C7orf57: variants seen among roughly 807,000 people sequenced by gnomAD.
C7orf57 encodes the protein chromosome 7 open reading frame 57, also known as uncharacterized protein C7orf57.
Under a neutral mutation model 39.0 loss-of-function variants are expected in C7orf57, and 33 were observed. That is an observed-to-expected ratio of 0.85 (90% CI 0.64 to 1.13). The LOEUF (loss-of-function observed/expected upper bound fraction) is 1.13, where lower values mean the gene tolerates loss of function less well. Among genes scored for constraint, C7orf57 ranks in the 50% most tolerant of loss-of-function variants. The pLI, the probability that C7orf57 is intolerant of heterozygous loss-of-function variation, is 0.00. For synonymous variants in C7orf57, 124 were observed against 137.1 expected (o/e 0.90, Z 0.67); for missense variants, 346 against 362.3 (o/e 0.95, Z 0.37).
intron 6 of C7orf57, among the ~76,000 whole-genome samples, chr7:48,052,218 G>A (rs1395367494): frequency 6.6e-6 from 1 of 152,042 alleles, no homozygotes; most frequent in Non-Finnish European, 1.5e-5. Context: ...ATGGCTGCCT[G>A]CCTTGGCCTC....
At chr7:48,059,073 G>A (rs559958015) in intron 8 of C7orf57, among the ~76,000 whole-genome samples, 1 of 152,140 alleles carries the variant, frequency 6.6e-6, no homozygotes, top group Non-Finnish European at 1.5e-5. Context: ...TGAGGCGGGG[G>A]TCACTATGAA....
chr7:48,048,988 G>T (rs1310984885), intron 5 of C7orf57, among the ~76,000 whole-genome samples: 1 of 151,994 alleles, frequency 6.6e-6, no homozygotes, highest in Non-Finnish European at 1.5e-5. Context: ...CCCTAAATAA[G>T]CTCTCTCCAG....
rs150480769 is a variant in C7orf57 at position 48,051,919 on chromosome 7, CTCTT to C, written c.606-769_606-766del. ...TCCTTCCTTCCTTTTCTTTTCTCTT[CTCTT>C]TCTTTCTTTCTCTCCTCTTTTTTTC... On this transcript the variant is annotated intron_variant, in intron 6 of 8. Coordinates refer to ENST00000348904, the MANE Select transcript of C7orf57 (RefSeq NM_001100159.3). Among the ~76,000 whole-genome samples the C allele has an allele frequency of 2.5e-3, 302 of 118,836 alleles. 1 individual carries two copies. The highest frequency in any genetic ancestry group is 7.9e-3 in the African/African-American group (255 of 32,284). 78.0% of individuals were successfully genotyped at this position (118,836 alleles called of 152,430 possible).
intron 2 of C7orf57, among the ~76,000 whole-genome samples, chr7:48,040,630 T>C (rs564737162): frequency 4.0e-5 from 6 of 150,614 alleles, no homozygotes; most frequent in Non-Finnish European, 7.4e-5. Context: ...AGAGGGAGAG[T>C]GATAAGGTGA....
chr7:48,048,786 A>G (rs1562627711), intron 5 of C7orf57, among the ~76,000 whole-genome samples: 1 of 37,528 alleles, frequency 2.7e-5, no homozygotes, highest in African/African-American at 5.7e-5. Flanking sequence ...TTCAGTCTTT[A>G]TAGTTCTTCT....
At position 48,052,780 on chromosome 7, in the gene C7orf57, A is replaced by G. The variant is rs1790995258; in HGVS notation, c.686A>G (p.Gln229Arg). Residue 229 changes from glutamine (Q) to arginine (R), a missense_variant, in exon 7 of 9, where the codon CAG becomes CGG. Coordinates refer to ENST00000348904, the MANE Select transcript of C7orf57 (RefSeq NM_001100159.3). The stretch of plus-strand genomic sequence containing the variant: ...TATAAGGATGAGTGGTTGCAGCAGC[A>G]GCAGCGAGCTGACTCAGACAAGAGG... ...NGYKDEWLQQ[Q>R]QRADSDKRTP... is the part of the protein sequence containing the mutation. 2 of 1,614,042 alleles carry G rather than the reference A, an allele frequency of 1.2e-6. No homozygotes were observed. The highest frequency in any genetic ancestry group is 1.7e-6 in the Non-Finnish European group (2 of 1,179,890).
At chr7:48,052,621 G>T in intron 6 of C7orf57, 79 bp from the exon 7 acceptor site, 2 of 1,170,724 alleles carry the variant, frequency 1.7e-6, no homozygotes, top group Non-Finnish European at 2.5e-6. Flanking sequence ...CCTCCTATTT[G>T]GTGTGTTCAC....
intron 8 of C7orf57, among the ~76,000 whole-genome samples, chr7:48,056,793 G>A (rs1791128272): frequency 6.6e-6 from 1 of 152,084 alleles, no homozygotes; most frequent in Non-Finnish European, 1.5e-5. Context: ...TCTATTTTGA[G>A]TTGATTTTAG....
chr7:48,043,918 TG>T (rs1442862650), intron 4 of C7orf57, among the ~76,000 whole-genome samples: 1 of 152,124 alleles, frequency 6.6e-6, no homozygotes, highest in Non-Finnish European at 1.5e-5. Flanking sequence ...GGTGGTGGGC[TG>T]CTCTCAAGAT....
intron 7 of C7orf57, among the ~76,000 whole-genome samples, chr7:48,053,512 C>G (rs1791022856): frequency 1.3e-5 from 2 of 152,056 alleles, no homozygotes; most frequent in African/African-American, 4.8e-5. Context: ...AGTGAAGTGG[C>G]ACAATCACAG....
intron 7 of C7orf57, 52 bp from the exon 8 acceptor site, chr7:48,054,543 A>T: frequency 6.9e-7 from 1 of 1,446,296 alleles, no homozygotes; most frequent in Non-Finnish European, 9.5e-7. Context: ...GACTTCTTTT[A>T]ATACTTGATC....
At chr7:48,058,726 A>G (rs1422755603) in intron 8 of C7orf57, among the ~76,000 whole-genome samples, 3 of 152,232 alleles carry the variant, frequency 2.0e-5, no homozygotes, top group Non-Finnish European at 4.4e-5. Flanking sequence ...TTGAAAATAC[A>G]AATACAGCAG....
intron 4 of C7orf57, among the ~76,000 whole-genome samples, chr7:48,045,386 C>T (rs1313320153): frequency 6.6e-6 from 1 of 152,328 alleles, no homozygotes; most frequent in East Asian, 1.9e-4. Flanking sequence ...CCGCTTTTCA[C>T]ACCTGTGCTC....
chr7:48,056,556 A>G (rs1395997458), intron 8 of C7orf57, among the ~76,000 whole-genome samples: 1 of 152,062 alleles, frequency 6.6e-6, no homozygotes, highest in African/African-American at 2.4e-5. Flanking sequence ...TATTTTTTCT[A>G]TAGGTTTAGC....
At chr7:48,046,304 GGAGA>G (rs933384991) in intron 4 of C7orf57, among the ~76,000 whole-genome samples, 152 bp from the exon 5 acceptor site, 1 of 151,292 alleles carries the variant, frequency 6.6e-6, no homozygotes, top group African/African-American at 2.4e-5. Context: ...GGAGAGAGAG[GGAGA>G]GAGAGAGGAG....
intron 5 of C7orf57, among the ~76,000 whole-genome samples, chr7:48,047,400 T>G (rs1316307315): frequency 6.6e-6 from 1 of 152,238 alleles, no homozygotes; most frequent in Admixed American, 6.5e-5. Context: ...TGTCACCTGA[T>G]GGGTGATCAT....
intron 3 of C7orf57, among the ~76,000 whole-genome samples, chr7:48,043,141 T>G (rs1168071914): frequency 6.6e-6 from 1 of 152,110 alleles, no homozygotes; most frequent in East Asian, 1.9e-4. Flanking sequence ...GTGCAGCCCC[T>G]GGAGACCTGA....
chr7:48,053,862 C>A (rs1791033385), intron 7 of C7orf57, among the ~76,000 whole-genome samples: 1 of 152,116 alleles, frequency 6.6e-6, no homozygotes, highest in South Asian at 2.1e-4. Context: ...TAATTATTGA[C>A]CATTTGCTTC....
At position 48,041,371 on chromosome 7, in the gene C7orf57, G is replaced by C; in HGVS notation, c.93G>C (p.Lys31Asn). 6.2e-7 allele frequency: 1 copy of C among 1,613,910 alleles called. No homozygotes were observed. The highest frequency in any genetic ancestry group is 8.5e-7 in the Non-Finnish European group (1 of 1,179,826). The stretch of plus-strand genomic sequence containing the variant: ...ACGTCCCAGTGAAGCGCTCTGAGAA[G>C]GCCGTGGATGCCCCACCAGCGTCCC... ...YYHVPVKRSE[K>N]AVDAPPASQI... The change falls in exon 3 of 9, where the codon AAG becomes AAC. Residue 31 changes from lysine (K) to asparagine (N), a missense_variant. Coordinates refer to ENST00000348904, the MANE Select transcript of C7orf57 (RefSeq NM_001100159.3).
Sources: gnomAD v4.1 joint callset for allele counts (sites outside exome capture counted in the v4.1 genomes callset) on GRCh38, gnomAD v4.1.1 for gene constraint, MANE v1.5 for transcripts, NCBI Gene and HGNC (gene_info 2026-07-23, HGNC 2026-07-21) for gene names.